Variants in DACH1 observed in about 807,000 individuals in gnomAD.
DACH1 encodes the protein dachshund homolog 1.
In DACH1, 12 loss-of-function variants were observed where a neutral mutation model predicts 54.2. The observed-to-expected ratio is 0.22, with a 90% CI of 0.14 to 0.36. The LOEUF is 0.36. Among genes scored for constraint, DACH1 ranks in the 10% least tolerant of loss-of-function variants. DACH1 has a pLI of 1.00. For missense variants in DACH1, 805 were observed against 929.8 expected (o/e 0.87, Z 1.75); for synonymous variants, 386 against 366.2 (o/e 1.05, Z -0.62).
intron 6 of DACH1, among the ~76,000 whole-genome samples, chr13:71,518,660 T>TA (rs1359240396): frequency 6.6e-6 from 1 of 151,874 alleles, no homozygotes; most frequent in Non-Finnish European, 1.5e-5. Flanking sequence ...AAGCTTTTTG[T>TA]AAAAATAATC....
intron 3 of DACH1, among the ~76,000 whole-genome samples, chr13:71,603,813 G>A (rs1469376697): frequency 6.6e-6 from 1 of 151,754 alleles, no homozygotes; most frequent in Non-Finnish European, 1.5e-5. Context: ...CCTAAATTTT[G>A]TATGTGATAC....
At chr13:71,697,856 T>C (rs1410347475) in intron 1 of DACH1, among the ~76,000 whole-genome samples, 2 of 152,186 alleles carry the variant, frequency 1.3e-5, no homozygotes, top group Non-Finnish European at 2.9e-5. Flanking sequence ...ATTTGCTGGC[T>C]ATTTGAAAAG....
chr13:71,756,341 G>T (rs368547477), intron 1 of DACH1, among the ~76,000 whole-genome samples: 9 of 151,676 alleles, frequency 5.9e-5, no homozygotes, highest in Non-Finnish European at 1.2e-4. Context: ...CACCGCACCC[G>T]GCCAAGACAT....
At chr13:71,541,352 T>C (rs1437010623) in intron 6 of DACH1, among the ~76,000 whole-genome samples, 4 of 152,096 alleles carry the variant, frequency 2.6e-5, no homozygotes, top group Non-Finnish European at 5.9e-5. Context: ...TTAAACTTTA[T>C]TGTATGTTTG....
intron 2 of DACH1, among the ~76,000 whole-genome samples, chr13:71,666,428 A>G (rs1192287126): frequency 6.6e-6 from 1 of 152,034 alleles, no homozygotes; most frequent in African/African-American, 2.4e-5. Flanking sequence ...ATTCTAACCC[A>G]TACGGTGAGA....
intron 1 of DACH1, among the ~76,000 whole-genome samples, chr13:71,835,241 C>A (rs1888740219): frequency 6.6e-6 from 1 of 151,956 alleles, no homozygotes; most frequent in South Asian, 2.1e-4. Flanking sequence ...ATACCTAGAG[C>A]TTGCCAAGGC....
chr13:71,617,936 G>A (rs1875907309), intron 3 of DACH1, among the ~76,000 whole-genome samples: 1 of 152,006 alleles, frequency 6.6e-6, no homozygotes, highest in Admixed American at 6.5e-5. Flanking sequence ...AATGTTACTT[G>A]TTTTGGTCTG....
At chr13:71,642,511 A>T (rs1211982874) in intron 2 of DACH1, among the ~76,000 whole-genome samples, 5 of 152,200 alleles carry the variant, frequency 3.3e-5, no homozygotes, top group African/African-American at 1.2e-4. Context: ...TGGATTTGAG[A>T]TTCTTTTTAA....
intron 10 of DACH1, among the ~76,000 whole-genome samples, chr13:71,469,132 C>T (rs141697240): frequency 2.1e-3 from 316 of 152,154 alleles, no homozygotes; most frequent in African/African-American, 7.0e-3. Flanking sequence ...CCCAGAAACC[C>T]CATTAACTAG....
chr13:71,549,614 G>C (rs886706948), intron 6 of DACH1, among the ~76,000 whole-genome samples: 2 of 152,072 alleles, frequency 1.3e-5, no homozygotes, highest in African/African-American at 4.8e-5. Context: ...AGATATAATT[G>C]AGAAACCACT....
intron 1 of DACH1, among the ~76,000 whole-genome samples, chr13:71,805,257 T>C (rs1232468635): frequency 6.6e-6 from 1 of 152,116 alleles, no homozygotes; most frequent in Non-Finnish European, 1.5e-5. Context: ...AAGGAGGGAA[T>C]CTTGATGGCT....
intron 10 of DACH1, among the ~76,000 whole-genome samples, chr13:71,450,169 CTTT>C (rs11379542): frequency 7.1e-6 from 1 of 141,378 alleles, no homozygotes; most frequent in Non-Finnish European, 1.5e-5. Flanking sequence ...GACACAGATA[CTTT>C]TTTTTTTTTT....
At position 71,639,017 on chromosome 13, in the gene DACH1, G is replaced by A. The variant is rs1460558252; in HGVS notation, c.965-8300C>T. On this transcript the variant is annotated intron_variant, in intron 2 of 10. Coordinates refer to ENST00000613252, the MANE Select transcript of DACH1 (RefSeq NM_080759.6). ...CTCTTTGCAAAACTCTGTTGAAGGT[G>A]CATTGTAAGCTCCACATGAGTTTGA... Among the ~76,000 whole-genome samples, 6 of 152,214 alleles carry A rather than the reference G, an allele frequency of 3.9e-5. No homozygotes were observed. The East Asian group carries it at 1.2e-3, about 29-fold the overall frequency.
chr13:71,710,906 G>A (rs1322776489), intron 1 of DACH1, among the ~76,000 whole-genome samples: 1 of 152,130 alleles, frequency 6.6e-6, no homozygotes, highest in Non-Finnish European at 1.5e-5. Context: ...GTAAATTTTA[G>A]AAAAATTAAA....
rs371019078 is a variant in DACH1, at chr13:71,520,463, AAAAATT to A, written c.1571-31321_1571-31316del. Among the ~76,000 whole-genome samples, 338 of 151,780 alleles carry A rather than the reference AAAAATT, an allele frequency of 2.2e-3. 3 individuals carry two copies. Among genetic ancestry groups the A allele is most frequent in the African/African-American group, 7.9e-3 (327 of 41,456 alleles). On this transcript the variant is annotated intron_variant, in intron 6 of 10. Coordinates refer to ENST00000613252, the MANE Select transcript of DACH1 (RefSeq NM_080759.6). ...GTGAAATAATGAAGACTTTTGAGAA[AAAAATT>A]AAAGGAGATAATCATATGTAAGTTT...
At chr13:71,840,944 C>T (rs1309285870) in intron 1 of DACH1, among the ~76,000 whole-genome samples, 1 of 152,148 alleles carries the variant, frequency 6.6e-6, no homozygotes, top group Admixed American at 6.5e-5. Context: ...ACAAAAAGTT[C>T]TTAGCCTCTA....
At chr13:71,557,408 G>T (rs1420499074) in intron 5 of DACH1, among the ~76,000 whole-genome samples, 1 of 151,978 alleles carries the variant, frequency 6.6e-6, no homozygotes, top group Non-Finnish European at 1.5e-5. Context: ...CATAAAACAA[G>T]ATTTTTATCT....
chr13:71,864,871 A>T (rs1874617103), intron 1 of DACH1, among the ~76,000 whole-genome samples: 1 of 151,998 alleles, frequency 6.6e-6, no homozygotes, highest in Admixed American at 6.5e-5. Flanking sequence ...CAAGGCACAG[A>T]GTATCAGGGC....
chr13:71,708,914 G>A (rs1213310888), intron 1 of DACH1, among the ~76,000 whole-genome samples: 3 of 146,320 alleles, frequency 2.1e-5, no homozygotes, highest in African/African-American at 5.0e-5. Flanking sequence ...GTGCAGTGGC[G>A]CGATCTCGGC....
Sources: allele counts gnomAD v4.1 joint callset (sites outside exome capture counted in the v4.1 genomes callset), GRCh38; gene constraint gnomAD v4.1.1; transcripts MANE v1.5; gene names NCBI Gene and HGNC (gene_info 2026-07-23, HGNC 2026-07-21).